Variants in CDIN1 observed in about 807,000 individuals in gnomAD.
CDIN1 encodes CDAN1 interacting nuclease 1.
A neutral mutation model predicts 45.3 loss-of-function variants in CDIN1; 33 were observed. The ratio of observed to expected loss-of-function variants is 0.73; its 90% CI spans 0.55 to 0.97. The LOEUF (loss-of-function observed/expected upper bound fraction) is 0.97, where lower values mean the gene tolerates loss of function less well. Ranked by LOEUF, CDIN1 falls within the 50% of genes least tolerant of loss-of-function variation. CDIN1 has a pLI of 0.00. For missense variants in CDIN1, 303 were observed against 339.4 expected, an observed-to-expected ratio of 0.89 and a Z score of 0.84; for synonymous variants, 118 against 124.4, an observed-to-expected ratio of 0.95 and a Z score of 0.34.
intron 10 of CDIN1, among the ~76,000 whole-genome samples, chr15:36,718,172 C>T (rs2043280154): frequency 6.6e-6 from 1 of 152,028 alleles, no homozygotes; most frequent in Admixed American, 6.6e-5. Flanking sequence ...TGTCAAAAAT[C>T]AGTTGTTCAT....
At chr15:36,684,266 TGA>T (rs1378496452) in intron 5 of CDIN1, among the ~76,000 whole-genome samples, 1 of 151,834 alleles carries the variant, frequency 6.6e-6, no homozygotes, top group Non-Finnish European at 1.5e-5. Flanking sequence ...CCTAATTTAT[TGA>T]GAGTTTTTAG....
In CDIN1 at chr15:36,808,391, G is replaced by C; in HGVS notation, c.784G>C (p.Gly262Arg). The C allele has an allele frequency of 6.2e-7, 1 of 1,613,556 alleles. No individual in the cohort carries two copies. Among genetic ancestry groups the C allele is most frequent in the Non-Finnish European group, 8.5e-7 (1 of 1,179,636 alleles). ...IQELDCNRER[G>R]ILLKACFPTN... Reference sequence around the variant, plus strand: ...GGAGCTGGACTGCAACCGGGAAAGGGGCATCCTGCTCAAAGCCTGTTTCCC... The same window carrying C: ...GGAGCTGGACTGCAACCGGGAAAGGCGCATCCTGCTCAAAGCCTGTTTCCC... Residue 262 changes from glycine (G) to arginine (R), a missense_variant, in exon 11 of 11, where the codon GGC becomes CGC. Gly to Arg is a moderately radical substitution (Grantham distance 125). Coordinates refer to ENST00000566621, the MANE Select transcript of CDIN1 (RefSeq NM_001321759.2).
At chr15:36,628,468 A>G (rs2039543595) in intron 1 of CDIN1, among the ~76,000 whole-genome samples, 1 of 152,230 alleles carries the variant, frequency 6.6e-6, no homozygotes, top group African/African-American at 2.4e-5. Flanking sequence ...TTTCCAATAT[A>G]GATGAAGCTG....
intron 10 of CDIN1, among the ~76,000 whole-genome samples, chr15:36,780,204 C>G (rs2054316235): frequency 6.6e-6 from 1 of 152,142 alleles, no homozygotes; most frequent in African/African-American, 2.4e-5. Context: ...TTTTCAGTTC[C>G]TCATTCAGGA....
intron 1 of CDIN1, among the ~76,000 whole-genome samples, chr15:36,581,298 C>CT (rs1022657340): frequency 4.6e-5 from 7 of 151,942 alleles, no homozygotes; most frequent in African/African-American, 1.5e-4. Flanking sequence ...TGTAATTTTG[C>CT]TTTTTTTTCT....
intron 3 of CDIN1, among the ~76,000 whole-genome samples, chr15:36,652,580 A>ATT (rs2040614852): frequency 6.6e-6 from 1 of 152,098 alleles, no homozygotes; most frequent in Non-Finnish European, 1.5e-5. Context: ...TCTAAAGCAC[A>ATT]TTTGCCTTGT....
intron 10 of CDIN1, among the ~76,000 whole-genome samples, chr15:36,773,057 A>T (rs1161216500): frequency 6.7e-6 from 1 of 148,580 alleles, no homozygotes; most frequent in African/African-American, 2.5e-5. Context: ...CTCATTCTTC[A>T]TCCTGTTTGT....
intron 1 of CDIN1, chr15:36,616,972 T>C (rs1170008640): frequency 1.0e-5 from 6 of 600,280 alleles, no homozygotes; most frequent in Non-Finnish European, 1.8e-5. Flanking sequence ...AAAAGTATTA[T>C]ACCTTTTAAT....
chr15:36,788,569 C>G (rs561997944), intron 10 of CDIN1, among the ~76,000 whole-genome samples: 1 of 151,654 alleles, frequency 6.6e-6, no homozygotes, highest in Non-Finnish European at 1.5e-5. Context: ...TCTATGAATA[C>G]GAAATAAAAA....
chr15:36,611,974 A>G (rs1480931812), intron 1 of CDIN1, among the ~76,000 whole-genome samples: 1 of 152,236 alleles, frequency 6.6e-6, no homozygotes, highest in African/African-American at 2.4e-5. Context: ...TCAGAATTAT[A>G]GTAGCTTCAT....
chr15:36,619,742 A>T (rs1468350324), intron 1 of CDIN1, among the ~76,000 whole-genome samples: 1 of 152,118 alleles, frequency 6.6e-6, no homozygotes, highest in Non-Finnish European at 1.5e-5. Flanking sequence ...TTTAAAATCT[A>T]TTTAAAGTTT....
At chr15:36,723,611 G>T (rs187807697) in intron 10 of CDIN1, among the ~76,000 whole-genome samples, 4 of 151,958 alleles carry the variant, frequency 2.6e-5, no homozygotes, top group Non-Finnish European at 4.4e-5. Context: ...TGTCAGCCAG[G>T]CTAGAATGAA....
intron 10 of CDIN1, among the ~76,000 whole-genome samples, chr15:36,777,852 C>T (rs564387792): frequency 9.9e-5 from 15 of 152,218 alleles, no homozygotes; most frequent in Non-Finnish European, 1.6e-4. Context: ...CTCAAACCAT[C>T]TGCCCGCCTC....
At position 36,808,392 on chromosome 15, in the gene CDIN1, G is replaced by A. The variant is rs1413845262; in HGVS notation, c.785G>A (p.Gly262Asp). The A allele has an allele frequency of 3.1e-6, 5 of 1,613,510 alleles. No individual in the cohort carries two copies. The highest frequency in any genetic ancestry group is 8.5e-7 in the Non-Finnish European group (1 of 1,179,648). The change falls in exon 11 of 11, where the codon GGC (glycine) becomes GAC (aspartate). Residue 262 changes from glycine to aspartate, a missense_variant. Physicochemically the swap from Gly to Asp is moderately conservative, Grantham distance 94 (BLOSUM62 -1). Coordinates refer to ENST00000566621, the MANE Select transcript of CDIN1 (RefSeq NM_001321759.2). ...GAGCTGGACTGCAACCGGGAAAGGG[G>A]CATCCTGCTCAAAGCCTGTTTCCCC... ...IQELDCNRERGILLKACFPTN... is the reference protein window; with the variant it reads ...IQELDCNRERDILLKACFPTN...
chr15:36,626,809 A>G (rs2039447039), intron 1 of CDIN1: 1 of 270,718 alleles, frequency 3.7e-6, no homozygotes, highest in Non-Finnish European at 7.3e-6. Flanking sequence ...CTATAGTGGA[A>G]GTGGGGGTTG....
At chr15:36,742,674 T>C (rs2044281774) in intron 10 of CDIN1, among the ~76,000 whole-genome samples, 1 of 152,182 alleles carries the variant, frequency 6.6e-6, no homozygotes, top group Non-Finnish European at 1.5e-5. Flanking sequence ...AATAAGTATT[T>C]CCAGATGCAG....
chr15:36,642,470 A>T (rs2040148080), intron 1 of CDIN1, among the ~76,000 whole-genome samples: 1 of 151,960 alleles, frequency 6.6e-6, no homozygotes, highest in African/African-American at 2.4e-5. Context: ...GGCAAAAATC[A>T]CTCTAACCCT....
chr15:36,696,073 G>T (rs1276229349), intron 7 of CDIN1, among the ~76,000 whole-genome samples: 2 of 152,040 alleles, frequency 1.3e-5, no homozygotes, highest in Non-Finnish European at 2.9e-5. Context: ...TTAACTGTAT[G>T]CCCTGTGCAG....
chr15:36,740,877 G>A (rs563122477), intron 10 of CDIN1, among the ~76,000 whole-genome samples: 5 of 149,010 alleles, frequency 3.4e-5, no homozygotes, highest in East Asian at 3.9e-4. Flanking sequence ...CAACAAGAGC[G>A]AGACTCCATC....
Sources: allele counts gnomAD v4.1 joint callset (sites outside exome capture counted in the v4.1 genomes callset), GRCh38; gene constraint gnomAD v4.1.1; transcripts MANE v1.5; gene names NCBI Gene and HGNC (gene_info 2026-07-23, HGNC 2026-07-21).